The following MCF2L variants were observed in gnomAD, a reference collection of about 807,000 sequenced individuals.
MCF2L encodes guanine nucleotide exchange factor DBS.
MCF2L carries 97 observed loss-of-function variants against 153.4 expected under a neutral mutation model. The observed-to-expected ratio is 0.63, with a 90% confidence interval of 0.54 to 0.75. The LOEUF (loss-of-function observed/expected upper bound fraction) is 0.75. Ranked by LOEUF, MCF2L falls within the 30% of genes least tolerant of loss-of-function variation. The pLI is 0.00. For synonymous variants in MCF2L, 659 were observed against 632.2 expected (o/e 1.04, Z -0.64); for missense variants, 1,347 against 1,495.2 (o/e 0.90, Z 1.64).
chr13:112,987,906 C>A (rs1352045736), intron 1 of MCF2L, among the ~76,000 whole-genome samples: 1 of 152,248 alleles, frequency 6.6e-6, no homozygotes, highest in Non-Finnish European at 1.5e-5. Context: ...AAGGGGACAG[C>A]CTCATCCAAG....
In MCF2L at chr13:113,074,304, T is replaced by A. The variant is rs2033213823; in HGVS notation, c.997-140T>A. 3 of 1,089,096 alleles carry A rather than the reference T, an allele frequency of 2.8e-6. No homozygotes were observed. Among genetic ancestry groups the A allele is most frequent in the Non-Finnish European group, 4.0e-6 (3 of 743,134 alleles). The allele number at this position is 1,089,096 out of a possible 1,614,324, so 67.5% of individuals were successfully genotyped here. ...ACTCGGGGCCGACTTTGCACCTGTC[T>A]GACTGTGGTCCCTGCTTGATTGATG... On this transcript the variant is annotated intron_variant, in intron 9 of 29. Transcript: ENST00000535094. This position sits in a 1 kb window ranked among gnomAD's most constrained non-coding sequence, Gnocchi z 4.2.
In MCF2L at chr13:113,062,717, A is replaced by G. The variant is rs549743732; in HGVS notation, c.490-1587A>G. 9.3e-3 allele frequency among the ~76,000 whole-genome samples: 1,422 copies of G among 152,128 alleles called. 12 individuals are homozygous for G. The highest frequency in any genetic ancestry group is 0.03 in the African/African-American group (1,258 of 41,508). ...TCAGTGCCGTGTGCTGGACTCAGCC[A>G]TAGAAAGGAGACATGAGGGAGAACA... On this transcript the variant is annotated intron_variant, in intron 5 of 29. Coordinates refer to ENST00000535094, the MANE Select transcript of MCF2L (RefSeq NM_001112732.3).
intron 11 of MCF2L, among the ~76,000 whole-genome samples, 189 bp downstream of exon 11, chr13:113,075,378 A>C (rs1042171544): frequency 8.7e-5 from 11 of 126,566 alleles, no homozygotes; most frequent in South Asian, 7.9e-4. Context: ...CCACAGTTTT[A>C]TTTCTTTTTT....
intron 2 of MCF2L, among the ~76,000 whole-genome samples, chr13:113,021,459 A>T (rs61967112): frequency 6.6e-6 from 1 of 152,206 alleles, no homozygotes; most frequent in African/African-American, 2.4e-5. Context: ...CAGGTGTGAC[A>T]GGTCTCAGCC....
At chr13:112,929,312 T>C (rs1228715317) in intron 2 of MCF2L, among the ~76,000 whole-genome samples, 1 of 152,204 alleles carries the variant, frequency 6.6e-6, no homozygotes, top group African/African-American at 2.4e-5. Context: ...TGAATCTCTT[T>C]CCCCGATTCC....
intron 2 of MCF2L, among the ~76,000 whole-genome samples, chr13:113,024,413 C>T (rs749781349): frequency 1.7e-4 from 26 of 152,222 alleles, no homozygotes; most frequent in Non-Finnish European, 3.5e-4. Context: ...GTAGCTGTCC[C>T]ATGGTGGCCA....
rs1422964100 is a variant in MCF2L at position 112,907,482 on chromosome 13, G to C, written c.169+5111G>C. Among the ~76,000 whole-genome samples the C allele has an allele frequency of 1.3e-5, 2 of 152,076 alleles. No individual in the cohort carries two copies. The highest frequency in any genetic ancestry group is 2.9e-5 in the Non-Finnish European group (2 of 68,006). On this transcript the variant is annotated intron_variant, in intron 2 of 29. Transcript: ENST00000375608. This position sits in a 1 kb window ranked among gnomAD's most constrained non-coding sequence, Gnocchi z 5.1. The stretch of plus-strand genomic sequence containing the variant: ...TCCTCGGTGTTTCCAGCATGGGTCA[G>C]TCGCGGCTTGGTGGAGAATGGCTGA...
rs187068223 is a variant in MCF2L at position 113,031,906 on chromosome 13, G to A, written c.278+7148G>A. On this transcript the variant is annotated intron_variant, in intron 3 of 29. Transcript: ENST00000535094. This position sits in a 1 kb window ranked among gnomAD's most constrained non-coding sequence, Gnocchi z 5.5. ...CACACACACAGATGCACGCAGACAC[G>A]CAGGCACTCATGCACTTACATACAC... 4.0e-5 allele frequency among the ~76,000 whole-genome samples: 6 copies of A among 151,570 alleles called. No homozygotes were observed. Among genetic ancestry groups the A allele is most frequent in the African/African-American group, 7.3e-5 (3 of 41,154 alleles).
intron 3 of MCF2L, among the ~76,000 whole-genome samples, chr13:113,030,550 C>T (rs1200004679): frequency 3.6e-5 from 5 of 139,354 alleles, no homozygotes; most frequent in Admixed American, 2.2e-4. Context: ...TGTCCACCGA[C>T]GCAGATGTGG....
At position 113,096,586 on chromosome 13, in the gene MCF2L, G is replaced by A. The variant is rs1335786450; in HGVS notation, c.3225G>A (p.Trp1075Ter). ...VRDPTTGKEG[W>*]VPASSLSVRL... The stretch of plus-strand genomic sequence containing the variant: ...ACCCGACCACTGGCAAGGAGGGCTG[G>A]GTGCCGGCCAGCAGCCTGTCCGTCC... The change falls in exon 29 of 30, where the codon TGG (tryptophan) becomes TGA (stop). Residue 1075 changes from tryptophan to a stop codon, truncating the protein, a stop_gained. Transcript: ENST00000535094. LOFTEE classifies it high-confidence loss of function. 2 of 1,604,060 alleles carry A rather than the reference G, an allele frequency of 1.2e-6. No homozygotes were observed. The highest frequency in any genetic ancestry group is 1.7e-6 in the Non-Finnish European group (2 of 1,178,360).
intron 2 of MCF2L, among the ~76,000 whole-genome samples, chr13:112,934,389 C>T (rs1418109883): frequency 1.3e-5 from 2 of 152,202 alleles, no homozygotes; most frequent in East Asian, 1.9e-4. Flanking sequence ...GGGATTGCCA[C>T]GGGGCCAGAG....
At position 112,951,589 on chromosome 13, in the gene MCF2L, C is replaced by A. The variant is rs961131057; in HGVS notation, c.169+49218C>A. Among the ~76,000 whole-genome samples the A allele has an allele frequency of 6.6e-6, 1 of 152,116 alleles. No homozygotes were observed. The stretch of plus-strand genomic sequence containing the variant: ...ATTCCAAAAGGTTACTGTATGATTC[C>A]ATTTACATAACATTCTTGAAATGGC... On this transcript the variant is annotated intron_variant, in intron 2 of 29. Transcript: ENST00000375608. The surrounding 1 kb of genome is among the most constrained non-coding windows in gnomAD (Gnocchi z 4.8).
intron 9 of MCF2L, among the ~76,000 whole-genome samples, chr13:113,073,974 T>C (rs2033174494): frequency 6.6e-6 from 1 of 152,222 alleles, no homozygotes; most frequent in Non-Finnish European, 1.5e-5. Context: ...ATTGTCTTCC[T>C]GCCAACAGCA....
At chr13:113,021,300 G>C (rs1305483218) in intron 2 of MCF2L, among the ~76,000 whole-genome samples, 1 of 152,148 alleles carries the variant, frequency 6.6e-6, no homozygotes, top group Non-Finnish European at 1.5e-5. Context: ...AGCTGTGTGT[G>C]TATTAAACTG....
intron 26 of MCF2L, among the ~76,000 whole-genome samples, chr13:113,092,502 G>A (rs886589278): frequency 6.6e-6 from 1 of 152,252 alleles, no homozygotes. Context: ...CTGCCCGTGG[G>A]TCATTTCTGC....
rs2081808088 is a variant in MCF2L at position 112,960,226 on chromosome 13, C to T, written c.170-54537C>T. On this transcript the variant is annotated intron_variant, in intron 2 of 29. Transcript: ENST00000375608. This position sits in a 1 kb window ranked among gnomAD's most constrained non-coding sequence, Gnocchi z 4.2. Reference sequence around the variant, plus strand: ...ATTGAGGGGCTGCATCTGGTGAGGGCCCCTGAGCTGCGTCTTTCCAAGAGA... The same window carrying T: ...ATTGAGGGGCTGCATCTGGTGAGGGTCCCTGAGCTGCGTCTTTCCAAGAGA... 6.6e-6 allele frequency among the ~76,000 whole-genome samples: 1 copy of T among 152,190 alleles called. No individual in the cohort carries two copies. The highest frequency in any genetic ancestry group is 1.5e-5 in the Non-Finnish European group (1 of 68,026).
At chr13:113,076,992 G>C (rs2033561962) in intron 12 of MCF2L, 60 bp from the exon 13 acceptor site, 8 of 1,550,654 alleles carry the variant, frequency 5.2e-6, no homozygotes, top group Non-Finnish European at 7.0e-6. Flanking sequence ...GCGCCTGACT[G>C]TGTATTTTTA....
At chr13:112,964,312 G>C (rs2081867897), upstream of MCF2L, among the ~76,000 whole-genome samples, 1 of 152,200 alleles carries the variant, frequency 6.6e-6, no homozygotes, top group African/African-American at 2.4e-5. Context: ...TAGCTTAAGT[G>C]AGTTTGCCTT....
intron 26 of MCF2L, among the ~76,000 whole-genome samples, chr13:113,092,120 G>A (rs2035270687): frequency 6.6e-6 from 1 of 152,248 alleles, no homozygotes; most frequent in Non-Finnish European, 1.5e-5. Context: ...TCCTGGGAGA[G>A]GCTATTCTTG....
Sources: gnomAD v4.1 joint callset for allele counts (sites outside exome capture counted in the v4.1 genomes callset) on GRCh38, gnomAD v4.1.1 for gene constraint, Gnocchi (gnomAD v3.1) non-coding constraint, MANE v1.5 for transcripts, NCBI Gene and HGNC (gene_info 2026-07-23, HGNC 2026-07-21) for gene names.